The following BTBD9 variants were observed in gnomAD, a reference collection of about 807,000 sequenced individuals.
The protein encoded by BTBD9 is BTB/POZ domain-containing protein 9.
A neutral mutation model predicts 64.3 loss-of-function variants in BTBD9; 49 were observed. That is an observed-to-expected ratio of 0.76 (90% CI 0.61 to 0.97). The LOEUF is 0.97. Among genes scored for constraint, BTBD9 ranks in the 50% least tolerant of loss-of-function variants. BTBD9 has a pLI of 0.00. For synonymous variants in BTBD9, 260 were observed against 274.7 expected (o/e 0.95, Z 0.53); for missense variants, 598 against 762.1 (o/e 0.78, Z 2.53).
intron 6 of BTBD9, among the ~76,000 whole-genome samples, chr6:38,534,474 T>TC (rs1554166969): frequency 1.0e-5 from 1 of 97,352 alleles, no homozygotes; most frequent in Non-Finnish European, 2.1e-5. Context: ...CTCAAACTGT[T>TC]CAAAAAAAAA....
At chr6:38,392,451 T>C (rs1047711043) in intron 6 of BTBD9, among the ~76,000 whole-genome samples, 3 of 152,124 alleles carry the variant, frequency 2.0e-5, no homozygotes, top group East Asian at 1.9e-4. Context: ...ACACAGCAAC[T>C]CCTTTTTAAG....
chr6:38,457,755 G>A (rs988309060), intron 6 of BTBD9, among the ~76,000 whole-genome samples: 1 of 152,102 alleles, frequency 6.6e-6, no homozygotes, highest in Non-Finnish European at 1.5e-5. Context: ...TATAAGTAGA[G>A]AAAATAGGGA....
intron 6 of BTBD9, among the ~76,000 whole-genome samples, chr6:38,353,555 A>C (rs990579032): frequency 2.0e-5 from 3 of 152,204 alleles, no homozygotes; most frequent in Non-Finnish European, 4.4e-5. Context: ...AATTTTAACC[A>C]ATGTCATTAC....
At chr6:38,421,157 A>G (rs1396011512) in intron 6 of BTBD9, among the ~76,000 whole-genome samples, 3 of 152,142 alleles carry the variant, frequency 2.0e-5, no homozygotes, top group Non-Finnish European at 4.4e-5. Context: ...GTCCAAGACC[A>G]GCCTGGCCAA....
intron 6 of BTBD9, among the ~76,000 whole-genome samples, chr6:38,484,200 G>A (rs1020269064): frequency 6.6e-6 from 1 of 152,152 alleles, no homozygotes; most frequent in Non-Finnish European, 1.5e-5. Flanking sequence ...AATAACTAGT[G>A]CACAGGGAAA....
At position 38,297,110 on chromosome 6, in the gene BTBD9, G is replaced by C. The variant is rs1206811516; in HGVS notation, c.1265-8649C>G. ...CGGTCAGGCGCGGTGGCTCACGCCT[G>C]TAATCCCAGCACTTTGGGAGGCTGA... On this transcript the variant is annotated intron_variant, in intron 7 of 10. Coordinates refer to ENST00000481247, the MANE Select transcript of BTBD9 (RefSeq NM_001099272.2). Among the ~76,000 whole-genome samples the C allele has an allele frequency of 3.9e-5, 6 of 152,226 alleles. 1 individual carries two copies. The highest frequency in any genetic ancestry group is 3.9e-4 in the Admixed American group (6 of 15,284).
At chr6:38,615,833 CT>C (rs944901485) in intron 1 of BTBD9, among the ~76,000 whole-genome samples, 2 of 152,108 alleles carry the variant, frequency 1.3e-5, no homozygotes, top group African/African-American at 4.8e-5. Flanking sequence ...TATTGCGGTC[CT>C]TTTTCAAATA....
intron 6 of BTBD9, among the ~76,000 whole-genome samples, chr6:38,526,071 A>G (rs1467793355): frequency 6.6e-6 from 1 of 152,228 alleles, no homozygotes; most frequent in Non-Finnish European, 1.5e-5. Flanking sequence ...CATTTCAGAG[A>G]CCTTCACAGC....
intron 8 of BTBD9, among the ~76,000 whole-genome samples, chr6:38,278,945 C>G (rs147544123): frequency 6.6e-6 from 1 of 152,166 alleles, no homozygotes; most frequent in African/African-American, 2.4e-5. Flanking sequence ...CTGCATTTAT[C>G]TATGTAACCA....
At chr6:38,213,365 T>G (rs1762899211) in intron 9 of BTBD9, among the ~76,000 whole-genome samples, 1 of 151,904 alleles carries the variant, frequency 6.6e-6, no homozygotes, top group African/African-American at 2.4e-5. Context: ...TGGGAGAGCT[T>G]AAAAAAATCT....
At chr6:38,482,364 A>G (rs576723770) in intron 6 of BTBD9, 1 of 150,892 alleles carries the variant, frequency 6.6e-6, no homozygotes, top group Non-Finnish European at 1.5e-5. Flanking sequence ...TTAAAAGCTC[A>G]TCTTCTTTCC....
rs547442706 is a variant in BTBD9 at position 38,329,203 on chromosome 6, T to C, written c.1264+15781A>G. On this transcript the variant is annotated intron_variant, in intron 7 of 10. Coordinates refer to ENST00000481247, the MANE Select transcript of BTBD9 (RefSeq NM_001099272.2). ...CATAATCTTCCTCTTTTGCGGTTAT[T>C]ATAAATAACACTGTGCTGAACATTT... Among the ~76,000 whole-genome samples the C allele has an allele frequency of 3.9e-5, 6 of 152,274 alleles. No individual in the cohort carries two copies. In the East Asian group the frequency reaches 9.6e-4, roughly 24 times the overall value.
intron 7 of BTBD9, among the ~76,000 whole-genome samples, chr6:38,335,970 G>A (rs567330194): frequency 1.3e-5 from 2 of 152,148 alleles, no homozygotes; most frequent in East Asian, 3.9e-4. Context: ...ACTGACCTCA[G>A]GTGATCCACC....
At chr6:38,212,447 C>T (rs1762866616) in intron 9 of BTBD9, among the ~76,000 whole-genome samples, 1 of 152,236 alleles carries the variant, frequency 6.6e-6, no homozygotes, top group Admixed American at 6.5e-5. Context: ...ACAGGCTTCA[C>T]AAACTTTGAT....
chr6:38,256,375 A>C (rs1764578604), intron 9 of BTBD9, 34 bp downstream of exon 9: 1 of 1,486,278 alleles, frequency 6.7e-7, no homozygotes, highest in African/African-American at 1.4e-5. Flanking sequence ...CTGTCTTTTC[A>C]ATAGGAATAA....
intron 9 of BTBD9, among the ~76,000 whole-genome samples, chr6:38,238,891 C>T (rs1763890261): frequency 6.6e-6 from 1 of 152,092 alleles, no homozygotes; most frequent in South Asian, 2.1e-4. Flanking sequence ...GGTCAGCTTT[C>T]CCTGAATTCT....
chr6:38,243,144 A>T (rs1034271194), intron 9 of BTBD9, among the ~76,000 whole-genome samples: 9 of 152,244 alleles, frequency 5.9e-5, no homozygotes, highest in East Asian at 5.8e-4. Context: ...TGATTAGGCC[A>T]GGCTGAAAGG....
chr6:38,543,686 G>C (rs747396244), intron 6 of BTBD9, among the ~76,000 whole-genome samples: 1 of 152,094 alleles, frequency 6.6e-6, no homozygotes, highest in Non-Finnish European at 1.5e-5. Context: ...CGCCGGGCGC[G>C]GTGGCTCACG....
intron 3 of BTBD9, 52 bp downstream of exon 3, chr6:38,593,912 G>T: frequency 1.4e-6 from 2 of 1,435,942 alleles, no homozygotes; most frequent in Non-Finnish European, 1.9e-6. Context: ...TACAGTATAG[G>T]TATAAATAAA....
Sources: gnomAD v4.1 joint callset for allele counts (sites outside exome capture counted in the v4.1 genomes callset) on GRCh38, gnomAD v4.1.1 for gene constraint, MANE v1.5 for transcripts, NCBI Gene and HGNC (gene_info 2026-07-23, HGNC 2026-07-21) for gene names.